KIAA1217: variants seen among roughly 807,000 people sequenced by gnomAD.
The protein encoded by KIAA1217 is sickle tail protein homolog.
A neutral mutation model predicts 163.9 loss-of-function variants in KIAA1217; 88 were observed. That is an observed-to-expected ratio of 0.54 (90% CI 0.45 to 0.64). KIAA1217 has a LOEUF of 0.64. Among genes scored for constraint, KIAA1217 ranks in the 30% least tolerant of loss-of-function variants. The probability of loss-of-function intolerance (pLI) is 0.00; values close to 1 mark genes in which losing one functional copy is unlikely to be tolerated. For synonymous variants in KIAA1217, 903 were observed against 923.1 expected, an observed-to-expected ratio of 0.98 and a Z score of 0.39; for missense variants, 2,372 against 2,475.0, an observed-to-expected ratio of 0.96 and a Z score of 0.88.
intron 1 of KIAA1217, among the ~76,000 whole-genome samples, chr10:23,822,162 ACT>A: frequency 6.6e-6 from 1 of 152,152 alleles, no homozygotes; most frequent in South Asian, 2.1e-4. Flanking sequence ...GTCAGGAAAG[ACT>A]CACCCTAACT....
intron 1 of KIAA1217, among the ~76,000 whole-genome samples, chr10:23,779,989 C>T (rs1835184005): frequency 6.6e-6 from 1 of 152,142 alleles, no homozygotes; most frequent in African/African-American, 2.4e-5. Context: ...GTGTAGTAGG[C>T]TACACCATCT....
chr10:24,455,785 T>C (rs1178843469), intron 5 of KIAA1217, among the ~76,000 whole-genome samples: 1 of 152,266 alleles, frequency 6.6e-6, no homozygotes, highest in African/African-American at 2.4e-5. Context: ...AATTTGAGTC[T>C]ATTTGTTGTT....
In KIAA1217 at chr10:24,337,890, G is replaced by A. The variant is rs888456633; in HGVS notation, c.355-42979G>A. Among the ~76,000 whole-genome samples, 7 of 152,004 alleles carry A rather than the reference G, an allele frequency of 4.6e-5. No homozygotes were observed. In the East Asian group the frequency reaches 7.7e-4, roughly 17 times the overall value. On this transcript the variant is annotated intron_variant, in intron 2 of 20. Transcript: ENST00000376454. ...GAACTCCTGACTGCGTGATCTACCCGCCTTGGCCTCCCAAAATGCTGGGAT... is the reference window on the plus strand; with the variant it reads ...GAACTCCTGACTGCGTGATCTACCCACCTTGGCCTCCCAAAATGCTGGGAT...
chr10:23,727,365 G>A (rs1362636043), intron 1 of KIAA1217, among the ~76,000 whole-genome samples: 2 of 152,022 alleles, frequency 1.3e-5, no homozygotes, highest in Non-Finnish European at 2.9e-5. Context: ...TTTGAGAGCA[G>A]CCTGGCCAAC....
At chr10:24,040,796 G>A (rs1039955272) in intron 2 of KIAA1217, among the ~76,000 whole-genome samples, 1 of 152,144 alleles carries the variant, frequency 6.6e-6, no homozygotes, top group African/African-American at 2.4e-5. Flanking sequence ...GACCTGTTAG[G>A]AATCATTAAA....
intron 1 of KIAA1217, among the ~76,000 whole-genome samples, chr10:23,843,535 C>T (rs1163342238): frequency 6.6e-6 from 1 of 152,108 alleles, no homozygotes; most frequent in Non-Finnish European, 1.5e-5. Context: ...TAACATCTTA[C>T]CATTTGACGA....
chr10:23,750,479 G>A (rs1185416856), intron 1 of KIAA1217, among the ~76,000 whole-genome samples: 2 of 151,858 alleles, frequency 1.3e-5, no homozygotes, highest in Admixed American at 1.3e-4. Flanking sequence ...TCACAGTTTG[G>A]CTTTTGTGAT....
rs571440060 is a variant in KIAA1217 at position 24,321,991 on chromosome 10, C to T, written c.355-58878C>T. Among the ~76,000 whole-genome samples, 21 of 152,206 alleles carry T rather than the reference C, an allele frequency of 1.4e-4. No homozygotes were observed. In the East Asian group the frequency reaches 3.3e-3, roughly 24 times the overall value. On this transcript the variant is annotated intron_variant, in intron 2 of 20. Transcript: ENST00000376454. ...TGAGACAGGGTCTCGCTCTGTCACC[C>T]AGGCTGGAGTGCGGTGGCCCGATCT...
chr10:23,974,892 C>T (rs183381646), intron 1 of KIAA1217, among the ~76,000 whole-genome samples: 2 of 151,408 alleles, frequency 1.3e-5, no homozygotes, highest in Non-Finnish European at 2.9e-5. Context: ...TTCCCCCCCC[C>T]ATAGATAGGC....
At chr10:24,417,291 C>T (rs1485241185) in intron 3 of KIAA1217, among the ~76,000 whole-genome samples, 1 of 152,152 alleles carries the variant, frequency 6.6e-6, no homozygotes, top group Non-Finnish European at 1.5e-5. Context: ...CCTCACCCTC[C>T]CTGGCTGGCC....
At chr10:23,987,718 C>T (rs1435819296) in intron 1 of KIAA1217, among the ~76,000 whole-genome samples, 12 of 151,938 alleles carry the variant, frequency 7.9e-5, no homozygotes, top group African/African-American at 2.9e-4. Flanking sequence ...ACAGTCACTA[C>T]GTTGTGCAAT....
intron 1 of KIAA1217, among the ~76,000 whole-genome samples, chr10:23,972,033 A>G (rs778463145): frequency 6.6e-6 from 1 of 152,200 alleles, no homozygotes; most frequent in Non-Finnish European, 1.5e-5. Flanking sequence ...AATATCTAAC[A>G]TTTATTGATT....
chr10:24,353,028 C>T (rs2048652515), intron 2 of KIAA1217, among the ~76,000 whole-genome samples: 1 of 151,862 alleles, frequency 6.6e-6, no homozygotes, highest in South Asian at 2.1e-4. Context: ...ACCCCACATC[C>T]CTCTACATCA....
At chr10:24,288,369 A>G (rs1018165001) in intron 2 of KIAA1217, among the ~76,000 whole-genome samples, 1 of 152,236 alleles carries the variant, frequency 6.6e-6, no homozygotes, top group African/African-American at 2.4e-5. Context: ...CTCTTCTACT[A>G]TTTAGCGCAG....
rs189925297 is a variant in KIAA1217 at position 24,022,443 on chromosome 10, T to A, written c.-171+15069T>A. The stretch of plus-strand genomic sequence containing the variant: ...TATTAGAATACCTAAAATAAAAAAA[T>A]TTTAAAAAGCTGACAAACCAAATGC... On this transcript the variant is annotated intron_variant, in intron 2 of 18. Coordinates refer to the KIAA1217 transcript ENST00000376462. Among the ~76,000 whole-genome samples, 289 of 151,688 alleles carry A rather than the reference T, an allele frequency of 1.9e-3. 2 individuals carry two copies. In the South Asian group the frequency reaches 0.024, roughly 13 times the overall value.
Position 23,783,033 on chromosome 10 carries a change from T to C in KIAA1217, c.-321+87799T>C, listed in dbSNP as rs538993522. Among the ~76,000 whole-genome samples the C allele has an allele frequency of 7.9e-5, 12 of 152,358 alleles. No individual in the cohort carries two copies. The South Asian group carries it at 1.4e-3, about 18-fold the overall frequency. Reference sequence around the variant, plus strand: ...TCTATACCTAAATTGTTTTGAGTTTTTAATCAAGAAAGAATGTGGAATTTT... The same window carrying C: ...TCTATACCTAAATTGTTTTGAGTTTCTAATCAAGAAAGAATGTGGAATTTT... On this transcript the variant is annotated intron_variant, in intron 1 of 18. Transcript: ENST00000376462.
At chr10:24,235,666 G>A (rs995656035) in intron 2 of KIAA1217, among the ~76,000 whole-genome samples, 1 of 152,182 alleles carries the variant, frequency 6.6e-6, no homozygotes, top group Non-Finnish European at 1.5e-5. Flanking sequence ...ACTCTGTTCT[G>A]TGCAGTCCTT....
At chr10:23,762,679 C>A (rs1372613024) in intron 1 of KIAA1217, among the ~76,000 whole-genome samples, 4 of 152,156 alleles carry the variant, frequency 2.6e-5, no homozygotes, top group Non-Finnish European at 4.4e-5. Flanking sequence ...TGGGCAAAGG[C>A]TGGAAGCATT....
intron 1 of KIAA1217, among the ~76,000 whole-genome samples, chr10:23,728,507 GT>G (rs147180341): frequency 0.047 from 6,795 of 145,748 alleles, 473 homozygotes; most frequent in African/African-American, 0.15. Context: ...CTTTTTGATG[GT>G]TTTTTTTTTT....
Sources: allele counts gnomAD v4.1 joint callset (sites outside exome capture counted in the v4.1 genomes callset), GRCh38; gene constraint gnomAD v4.1.1; transcripts MANE v1.5; gene names NCBI Gene and HGNC (gene_info 2026-07-23, HGNC 2026-07-21).